Variants in ELMOD3 observed in about 807,000 individuals in gnomAD.
ELMOD3 encodes the protein ELMO domain containing 3.
Under a neutral mutation model 47.4 loss-of-function variants are expected in ELMOD3, and 36 were observed. That is an observed-to-expected ratio of 0.76 (90% CI 0.58 to 1.00). ELMOD3 has a LOEUF of 1.00. Among genes scored for constraint, ELMOD3 ranks in the 50% least tolerant of loss-of-function variants. The pLI is 0.00. For missense variants in ELMOD3, 404 were observed against 463.8 expected (o/e 0.87, Z 1.18); for synonymous variants, 149 against 183.5 (o/e 0.81, Z 1.52).
At chr2:85,387,657 A>G (rs1479479471) in intron 11 of ELMOD3, among the ~76,000 whole-genome samples, 8 of 116,098 alleles carry the variant, frequency 6.9e-5, no homozygotes, top group Admixed American at 6.0e-4. Flanking sequence ...ACAGAGCAAG[A>G]CTCCATCTCA....
At chr2:85,374,679 G>A (rs1685042764) in intron 10 of ELMOD3, among the ~76,000 whole-genome samples, 2 of 152,104 alleles carry the variant, frequency 1.3e-5, no homozygotes, top group Non-Finnish European at 2.9e-5. Context: ...AGGTGTGGTG[G>A]CGCATGCTTA....
Position 85,389,998 on chromosome 2 carries a change from A to G in ELMOD3, c.816-140A>G, listed in dbSNP as rs1044340931. ...TCCCTTCTCCCACCCCTGGCCTTAG[A>G]TGTCAGGCTCCTGGGGAATGGTGGG... is the stretch of plus-strand genomic sequence containing the variant. On this transcript the variant is annotated intron_variant, in intron 12 of 13. Transcript: ENST00000409013. The G allele has an allele frequency of 3.6e-6, 4 of 1,104,570 alleles. No homozygotes were observed. The African/African-American group carries it at 6.2e-5, about 17-fold the overall frequency. 68.4% of individuals were successfully genotyped at this position (1,104,570 alleles called of 1,614,324 possible). A position where few individuals can be genotyped will look rare whatever the true frequency, so the allele number is the denominator to read the frequency against.
intron 6 of ELMOD3, among the ~76,000 whole-genome samples, chr2:85,365,071 A>G (rs965206847): frequency 7.3e-5 from 11 of 149,826 alleles, no homozygotes; most frequent in Admixed American, 4.0e-4. Flanking sequence ...GGCCTCTCAA[A>G]GTGCTGGGAT....
At position 85,391,603 on chromosome 2, in the gene ELMOD3, T is replaced by A. The variant is rs1686359636; in HGVS notation, c.*641T>A. ...ATGGAAAAACGGACATTTGGCTAGG[T>A]GTCTCTCACGGCTGCTCCATCCTAG... On this transcript the variant is annotated 3_prime_UTR_variant, in exon 14 of 14. Coordinates refer to ENST00000409013, the MANE Select transcript of ELMOD3 (RefSeq NM_001135022.2). The A allele has an allele frequency of 6.5e-6, 1 of 153,020 alleles. No individual in the cohort carries two copies. Among genetic ancestry groups the A allele is most frequent in the Non-Finnish European group, 1.5e-5 (1 of 68,404 alleles). The allele number at this position is 153,020 out of a possible 1,614,324, so 9.5% of individuals were successfully genotyped here.
chr2:85,363,977 A>G lies in ELMOD3; in HGVS notation c.199+811A>G, dbSNP rs545233016. ...ACCGTCTCTACTAAAAATATTTTAA[A>G]AATTAGCCAGGTGTAGTGGTGTGTG... is the stretch of plus-strand genomic sequence containing the variant. On this transcript the variant is annotated intron_variant, in intron 6 of 13. Transcript: ENST00000409013. 2.0e-5 allele frequency among the ~76,000 whole-genome samples: 3 copies of G among 152,120 alleles called. No homozygotes were observed. The South Asian group carries it at 6.2e-4, about 32-fold the overall frequency.
At chr2:85,366,124 A>ATTTTTTTTTTTT (rs566714087) in intron 6 of ELMOD3, among the ~76,000 whole-genome samples, 2 of 135,610 alleles carry the variant, frequency 1.5e-5, no homozygotes. Flanking sequence ...TACCCAGCTA[A>ATTTTTTTTTTTT]TTTTTTTTTT....
At chr2:85,375,548 T>C (rs1685112568) in intron 10 of ELMOD3, among the ~76,000 whole-genome samples, 1 of 152,228 alleles carries the variant, frequency 6.6e-6, no homozygotes, top group Admixed American at 6.5e-5. Context: ...TTCTTCTTTA[T>C]ATCTGCTGTT....
chr2:85,390,605 C>T, intron 13 of ELMOD3, 155 bp from the exon 14 acceptor site: 1 of 1,525,472 alleles, frequency 6.6e-7, no homozygotes, highest in South Asian at 1.3e-5. Flanking sequence ...CCCTAGCCTA[C>T]CTCTCTGGTG....
chr2:85,369,370 G>T (rs1318074141), intron 7 of ELMOD3, among the ~76,000 whole-genome samples: 1 of 152,184 alleles, frequency 6.6e-6, no homozygotes, highest in Non-Finnish European at 1.5e-5. Context: ...CAGGGTGTAA[G>T]AAGGGAAAAG....
At chr2:85,381,187 TA>T (rs1685517237) in intron 11 of ELMOD3, among the ~76,000 whole-genome samples, 1 of 152,222 alleles carries the variant, frequency 6.6e-6, no homozygotes, top group Non-Finnish European at 1.5e-5. Context: ...CCTAATATCT[TA>T]AAGGATTTAT....
intron 6 of ELMOD3, chr2:85,368,469 G>A (rs2104565175): frequency 1.9e-6 from 1 of 533,320 alleles, no homozygotes; most frequent in Non-Finnish European, 3.4e-6. Flanking sequence ...GGGAAAACTG[G>A]CCCAGGTCAG....
intron 8 of ELMOD3, 126 bp downstream of exon 8, chr2:85,369,956 T>G: frequency 8.1e-7 from 1 of 1,240,100 alleles, no homozygotes; most frequent in South Asian, 1.5e-5. Context: ...CCCAGGATCA[T>G]GGGTGGCCTA....
intron 8 of ELMOD3, among the ~76,000 whole-genome samples, chr2:85,370,762 G>T (rs539044964): frequency 2.6e-5 from 4 of 152,230 alleles, no homozygotes; most frequent in African/African-American, 9.6e-5. Flanking sequence ...CTGCCTGGGG[G>T]AGCTGGGCAG....
At chr2:85,381,429 A>G (rs978473643) in intron 11 of ELMOD3, among the ~76,000 whole-genome samples, 1 of 152,244 alleles carries the variant, frequency 6.6e-6, no homozygotes, top group African/African-American at 2.4e-5. Context: ...CATGAAGCCA[A>G]TTAAATTTAT....
Position 85,390,125 on chromosome 2 carries a change from C to G in ELMOD3, c.816-13C>G, listed in dbSNP as rs767209009. On this transcript the variant is annotated splice_polypyrimidine_tract_variant and intron_variant, in intron 12 of 13. Coordinates refer to ENST00000409013, the MANE Select transcript of ELMOD3 (RefSeq NM_001135022.2). ...TCCACCGCTGAGCAGGTCACCTTGC[C>G]TTTTTCCTGCAGAGAGTGTAATCGG... The G allele has an allele frequency of 6.2e-7, 1 of 1,612,532 alleles. No individual in the cohort carries two copies. The highest frequency in any genetic ancestry group is 2.2e-5 in the East Asian group (1 of 44,878).
intron 11 of ELMOD3, among the ~76,000 whole-genome samples, chr2:85,385,276 A>G (rs1000624527): frequency 5.3e-5 from 8 of 152,232 alleles, no homozygotes; most frequent in Non-Finnish European, 1.2e-4. Context: ...GTCTGTATGA[A>G]GAGACCACCA....
At chr2:85,362,164 T>C (rs570104856) in intron 4 of ELMOD3, 22 bp from the exon 5 acceptor site, 47 of 1,424,974 alleles carry the variant, frequency 3.3e-5, no homozygotes, top group Non-Finnish European at 4.7e-5. Flanking sequence ...GCCTAGGAGA[T>C]TGACCCTTGT....
In ELMOD3 at chr2:85,368,761, G is replaced by A. The variant is rs760927281; in HGVS notation, c.268+7G>A. 4.3e-6 allele frequency: 7 copies of A among 1,613,948 alleles called. No individual in the cohort carries two copies. The highest frequency in any genetic ancestry group is 5.9e-6 in the Non-Finnish European group (7 of 1,179,994). ...ACCATCCAGCCAGAGACAGGTAACT[G>A]TACGAATGCTGCTGTCTCCCCATAG... On this transcript the variant is annotated splice_region_variant and intron_variant, in intron 7 of 13. Coordinates refer to ENST00000409013, the MANE Select transcript of ELMOD3 (RefSeq NM_001135022.2).
At chr2:85,359,947 C>T (rs1359032672) in intron 4 of ELMOD3, among the ~76,000 whole-genome samples, 1 of 151,920 alleles carries the variant, frequency 6.6e-6, no homozygotes, top group East Asian at 1.9e-4. Flanking sequence ...GTGGTGTGCA[C>T]CTGTGGTCCC....
Sources: allele counts gnomAD v4.1 joint callset (sites outside exome capture counted in the v4.1 genomes callset), GRCh38; gene constraint gnomAD v4.1.1; transcripts MANE v1.5; gene names NCBI Gene and HGNC (gene_info 2026-07-23, HGNC 2026-07-21).